Variants in MGRN1 observed in about 807,000 individuals in gnomAD.
The protein encoded by MGRN1 is E3 ubiquitin-protein ligase MGRN1.
In MGRN1, 29 loss-of-function variants were observed where a neutral mutation model predicts 69.2. The observed-to-expected ratio is 0.42, with a 90% CI of 0.31 to 0.57. MGRN1 has a LOEUF of 0.57. Ranked by LOEUF, MGRN1 falls within the 20% of genes least tolerant of loss-of-function variation. The pLI is 0.15. For missense variants in MGRN1, 998 were observed against 796.2 expected (o/e 1.25, Z -3.05); for synonymous variants, 470 against 344.2 (o/e 1.37, Z -4.04).
chr16:4,634,914 G>T (rs1898201088), intron 1 of MGRN1: 1 of 152,208 alleles, frequency 6.6e-6, no homozygotes, highest in Non-Finnish European at 1.5e-5. Context: ...TGGCTCCCCA[G>T]GGCTCAGCAC....
At chr16:4,685,850 T>C (rs2079300508) in intron 16 of MGRN1, among the ~76,000 whole-genome samples, 1 of 152,326 alleles carries the variant, frequency 6.6e-6, no homozygotes, top group Non-Finnish European at 1.5e-5. Flanking sequence ...TGAACCCTGC[T>C]GTCCCTGTAG....
chr16:4,683,140 G>A (rs2079227030), intron 14 of MGRN1, 84 bp from the exon 15 acceptor site: 5 of 1,573,432 alleles, frequency 3.2e-6, no homozygotes, highest in East Asian at 4.5e-5. Context: ...GCGGTCCCGG[G>A]AGGGCCGTGC....
chr16:4,670,749 C>T (rs1209214041), intron 8 of MGRN1, among the ~76,000 whole-genome samples: 1 of 143,958 alleles, frequency 6.9e-6, no homozygotes, highest in Non-Finnish European at 1.5e-5. Flanking sequence ...AGGTCCAGGT[C>T]CCTGCAGGTA....
At position 4,673,554 on chromosome 16, in the gene MGRN1, C is replaced by T. The variant is rs749765498; in HGVS notation, c.852C>T (p.Asp284=). The T allele has an allele frequency of 6.2e-7, 1 of 1,613,810 alleles. No homozygotes were observed. The highest frequency in any genetic ancestry group is 8.5e-7 in the Non-Finnish European group (1 of 1,179,998). ...NSNECVVCLS[D]LRDTLILPCR... ...ACGAGTGTGTGGTGTGCCTGTCCGA[C>T]CTGCGGGACACGCTGATCCTGCCCT... is the stretch of plus-strand genomic sequence containing the variant. The change falls in exon 10 of 17, where the codon GAC becomes GAT. Residue 284 remains aspartate (D), a synonymous_variant. Transcript: ENST00000262370.
At chr16:4,674,889 C>T (rs2079022833) in intron 10 of MGRN1, among the ~76,000 whole-genome samples, 1 of 151,742 alleles carries the variant, frequency 6.6e-6, no homozygotes, top group Non-Finnish European at 1.5e-5. Flanking sequence ...ATCCACCCGC[C>T]TCGGCCTCCC....
At chr16:4,628,378 C>T (rs1897806183) in intron 1 of MGRN1, among the ~76,000 whole-genome samples, 1 of 84,896 alleles carries the variant, frequency 1.2e-5, no homozygotes, top group Admixed American at 1.5e-4. Flanking sequence ...GAGTGTGACT[C>T]TGTCTCCAAA....
chr16:4,650,635 G>A, intron 2 of MGRN1, 152 bp downstream of exon 2: 2 of 607,430 alleles, frequency 3.3e-6, no homozygotes, highest in Non-Finnish European at 5.6e-6. Context: ...CTTGGGTGTG[G>A]GCACGTGCCC....
At chr16:4,626,815 C>G (rs1032643510) in intron 1 of MGRN1, among the ~76,000 whole-genome samples, 2 of 152,216 alleles carry the variant, frequency 1.3e-5, no homozygotes, top group African/African-American at 2.4e-5. Flanking sequence ...AGAACACTCG[C>G]GTCAGCCACT....
chr16:4,682,649 G>T (rs1438795673), intron 13 of MGRN1, among the ~76,000 whole-genome samples, 174 bp from the exon 14 acceptor site: 1 of 152,072 alleles, frequency 6.6e-6, no homozygotes, highest in East Asian at 1.9e-4. Context: ...GCTGTTGCCT[G>T]TTGGCCGTTT....
chr16:4,659,456 G>A (rs980324298), intron 5 of MGRN1, among the ~76,000 whole-genome samples: 4 of 152,216 alleles, frequency 2.6e-5, no homozygotes, highest in African/African-American at 7.2e-5. Flanking sequence ...AGGTGGCCGG[G>A]GTAGGGGAGT....
intron 1 of MGRN1, 111 bp from the exon 2 acceptor site, chr16:4,650,254 G>T: frequency 1.3e-6 from 1 of 767,792 alleles, no homozygotes; most frequent in Non-Finnish European, 2.1e-6. Flanking sequence ...AGTGAGCTGA[G>T]ATAGCGCCAC....
At chr16:4,665,437 C>T (rs201561619) in intron 7 of MGRN1, among the ~76,000 whole-genome samples, 18 of 150,144 alleles carry the variant, frequency 1.2e-4, no homozygotes, top group East Asian at 6.0e-4. Context: ...TGATCTCTCT[C>T]GGCTCACTGC....
chr16:4,683,854 G>A lies in MGRN1; in HGVS notation c.1540G>A (p.Ala514Thr). 6.2e-7 allele frequency: 1 copy of A among 1,612,656 alleles called. No individual in the cohort carries two copies. Among genetic ancestry groups the A allele is most frequent in the Non-Finnish European group, 8.5e-7 (1 of 1,179,642 alleles). Reference protein sequence around the residue: ...SSSPQQGTRAASIENVLQDSS... With the variant: ...SSSPQQGTRATSIENVLQDSS... ...CCCTCTGCCTGCAGGGACCCGAGCA[G>A]CTTCCATTGAGAATGTCCTGCAGGA... Residue 514 changes from alanine to threonine, a missense_variant, in exon 16 of 17, where the codon GCT (alanine) becomes ACT (threonine). Coordinates refer to ENST00000262370, the MANE Select transcript of MGRN1 (RefSeq NM_015246.4).
At chr16:4,683,768 C>A in intron 15 of MGRN1, 75 bp from the exon 16 acceptor site, 1 of 1,322,814 alleles carries the variant, frequency 7.6e-7, no homozygotes, top group Non-Finnish European at 1.1e-6. Flanking sequence ...GTAAGAGAGA[C>A]GGCCTCCTGC....
At position 4,681,540 on chromosome 16, in the gene MGRN1, G is replaced by A. The variant is rs762211601; in HGVS notation, c.1132-10G>A. The A allele has an allele frequency of 2.5e-6, 4 of 1,608,858 alleles. No individual in the cohort carries two copies. Among genetic ancestry groups the A allele is most frequent in the Non-Finnish European group, 1.7e-6 (2 of 1,176,814 alleles). On this transcript the variant is annotated splice_polypyrimidine_tract_variant and intron_variant, in intron 12 of 16. Transcript: ENST00000262370. ...GGGCATGAGCCCCCTCACGCACCCT[G>A]TCCCTACAGAACTCTGACAGCGTCC...
intron 1 of MGRN1, among the ~76,000 whole-genome samples, chr16:4,644,092 C>A (rs916540129): frequency 6.6e-6 from 1 of 151,988 alleles, no homozygotes; most frequent in East Asian, 1.9e-4. Flanking sequence ...ATTCTGCTGT[C>A]TTGGCCTCCT....
At chr16:4,679,824 A>G (rs1429812741) in intron 11 of MGRN1, among the ~76,000 whole-genome samples, 1 of 152,130 alleles carries the variant, frequency 6.6e-6, no homozygotes, top group Non-Finnish European at 1.5e-5. Flanking sequence ...GCAGCAGCAC[A>G]GCTCCCGGGA....
At chr16:4,657,412 TC>T in intron 5 of MGRN1, 49 bp downstream of exon 5, 1 of 1,557,170 alleles carries the variant, frequency 6.4e-7, no homozygotes, top group South Asian at 1.1e-5. Flanking sequence ...CTGAATTCTC[TC>T]CCCTTGGGGG....
At chr16:4,638,799 G>A (rs1347423143) in intron 1 of MGRN1, among the ~76,000 whole-genome samples, 2 of 152,312 alleles carry the variant, frequency 1.3e-5, no homozygotes, top group Non-Finnish European at 2.9e-5. Flanking sequence ...TGAGCTGTTC[G>A]GAGCCCCTGC....
Sources: gnomAD v4.1 joint callset for allele counts (sites outside exome capture counted in the v4.1 genomes callset) on GRCh38, gnomAD v4.1.1 for gene constraint, MANE v1.5 for transcripts, NCBI Gene and HGNC (gene_info 2026-07-23, HGNC 2026-07-21) for gene names.